Variants in NFXL1 observed in about 807,000 individuals in gnomAD.
NFXL1 encodes NF-X1-type zinc finger protein NFXL1.
NFXL1 carries 66 observed loss-of-function variants against 123.3 expected under a neutral mutation model. That is an observed-to-expected ratio of 0.54 (90% CI 0.44 to 0.66). The LOEUF (loss-of-function observed/expected upper bound fraction) is 0.66, where lower values mean the gene tolerates loss of function less well. Ranked by LOEUF, NFXL1 falls within the 30% of genes least tolerant of loss-of-function variation. The probability of loss-of-function intolerance (pLI) is 0.00; values close to 1 mark genes in which losing one functional copy is unlikely to be tolerated. For synonymous variants in NFXL1, 346 were observed against 360.8 expected, an observed-to-expected ratio of 0.96 and a Z score of 0.46; for missense variants, 944 against 1,125.6, an observed-to-expected ratio of 0.84 and a Z score of 2.31.
chr4:47,898,717 A>C, intron 8 of NFXL1, 40 bp downstream of exon 8: 63 of 1,226,858 alleles, frequency 5.1e-5, no homozygotes, highest in Non-Finnish European at 6.7e-5. Context: ...TGCTTTCTGT[A>C]CTCTTTAATA....
chr4:47,878,640 ACAG>A lies in NFXL1; in HGVS notation c.1961_1963del (p.Ala654del). The A allele has an allele frequency of 1.4e-5, 22 of 1,597,670 alleles. No homozygotes were observed. Among genetic ancestry groups the A allele is most frequent in the Non-Finnish European group, 1.9e-5 (22 of 1,172,816 alleles). ...AACTCTTTTACAAGAGTAGGGTCCT[ACAG>A]CATGGCATGGTAGTGGACTCACCTT... On this transcript the variant is annotated inframe_deletion, in exon 17 of 23. Transcript: ENST00000507489.
intron 2 of NFXL1, among the ~76,000 whole-genome samples, chr4:47,912,690 C>G (rs1215715877): frequency 6.9e-6 from 1 of 145,918 alleles, no homozygotes; most frequent in Non-Finnish European, 1.5e-5. Flanking sequence ...CATCTCCTGA[C>G]CTCATGATCT....
chr4:47,862,878 G>A lies in NFXL1; in HGVS notation c.2284C>T (p.Leu762Phe), dbSNP rs143492439. The change falls in exon 19 of 23, where the codon CTC becomes TTC. Residue 762 changes from leucine to phenylalanine, a missense_variant. Physicochemically the swap from Leu to Phe is conservative, Grantham distance 22. Around this residue, in one of 4 missense-constraint regions of NFXL1, gnomAD observed 301 missense variants for 348.0 expected, o/e 0.86. Transcript: ENST00000507489. ...GGGCACTGATTTTTGCAACAACTGA[G>A]GAGGTTCTTTTCATTTACATCAGCT... ...TTADVNEKNL[L>F]SCCKNQCPKE... is the part of the protein sequence containing the mutation. 2 of 1,583,548 alleles carry A rather than the reference G, an allele frequency of 1.3e-6. No homozygotes were observed. Among genetic ancestry groups the A allele is most frequent in the African/African-American group, 2.7e-5 (2 of 73,146 alleles).
In NFXL1 at chr4:47,847,855, GAATT is replaced by G. The variant is rs1733898852; in HGVS notation, c.*304_*307del. ...ATTATTTTTTTAAAAGTGTTGGTTTGAATTATTAAATGAAAAAACTAAGTACAAG... is the reference window on the plus strand; with the variant it reads ...ATTATTTTTTTAAAAGTGTTGGTTTGATTAAATGAAAAAACTAAGTACAAG... On this transcript the variant is annotated 3_prime_UTR_variant, in exon 23 of 23. Coordinates refer to ENST00000507489, the MANE Select transcript of NFXL1 (RefSeq NM_001278624.2). 1.6e-5 allele frequency: 3 copies of G among 193,220 alleles called. No homozygotes were observed. The highest frequency in any genetic ancestry group is 3.1e-5 in the Non-Finnish European group (3 of 95,618). 12.0% of individuals were successfully genotyped at this position (193,220 alleles called of 1,614,324 possible).
At chr4:47,877,163 G>A (rs1180505871) in intron 17 of NFXL1, 1 of 475,066 alleles carries the variant, frequency 2.1e-6, no homozygotes, top group Non-Finnish European at 4.1e-6. Context: ...CAGAATCATG[G>A]ACAAATCACA....
rs1261634091 is a variant in NFXL1, at chr4:47,862,912, T to G, written c.2250A>C (p.Lys750Asn). The G allele has an allele frequency of 6.4e-7, 1 of 1,556,554 alleles. No individual in the cohort carries two copies. The highest frequency in any genetic ancestry group is 1.4e-5 in the African/African-American group (1 of 72,014). ...TTTCATTTACATCAGCTGTGGTTAT[T>G]TTTCTAAAAATAAGAAAGTTGATGA... The part of the protein sequence containing the change: ...KITSLYVECR[K>N]ITTADVNEKN... The change falls in exon 19 of 23, where the codon AAA becomes AAC. Residue 750 changes from lysine to asparagine, a missense_variant. Coordinates refer to ENST00000507489, the MANE Select transcript of NFXL1 (RefSeq NM_001278624.2).
intron 5 of NFXL1, among the ~76,000 whole-genome samples, chr4:47,902,216 A>G (rs187804630): frequency 5.3e-5 from 8 of 152,286 alleles, no homozygotes; most frequent in Non-Finnish European, 1.2e-4. Context: ...AAAAAAATTT[A>G]AACATAAAAT....
At chr4:47,856,549 A>G (rs569492824) in intron 19 of NFXL1, among the ~76,000 whole-genome samples, 1 of 152,162 alleles carries the variant, frequency 6.6e-6, no homozygotes, top group Non-Finnish European at 1.5e-5. Flanking sequence ...ACTGATCTCT[A>G]TGATTCACCA....
intron 15 of NFXL1, chr4:47,882,433 G>A (rs1426355004): frequency 6.6e-6 from 1 of 152,154 alleles, no homozygotes; most frequent in African/African-American, 2.4e-5. Flanking sequence ...TAACAGAAAG[G>A]CAAACAGCCT....
chr4:47,852,013 A>T, intron 20 of NFXL1, 71 bp from the exon 21 acceptor site: 1 of 895,752 alleles, frequency 1.1e-6, no homozygotes, highest in Non-Finnish European at 1.9e-6. Context: ...AAAAAAGCAA[A>T]GTTCATCTGA....
In NFXL1 at chr4:47,847,674, T is replaced by C. The variant is rs1577975380; in HGVS notation, c.*489A>G. 6.6e-6 allele frequency: 1 copy of C among 152,652 alleles called. No individual in the cohort carries two copies. Among genetic ancestry groups the C allele is most frequent in the Admixed American group, 6.5e-5 (1 of 15,282 alleles). The allele number at this position is 152,652 out of a possible 1,614,324, so 9.5% of individuals were successfully genotyped here. ...TAATAAACCAATTTCTGAAATCTAA[T>C]TACATACCTTCATGTCACAATTTAA... On this transcript the variant is annotated 3_prime_UTR_variant, in exon 23 of 23. Transcript: ENST00000507489.
chr4:47,894,433 A>G, intron 10 of NFXL1, 131 bp from the exon 11 acceptor site: 1 of 526,584 alleles, frequency 1.9e-6, no homozygotes, highest in East Asian at 3.4e-5. Context: ...AAACTTTACC[A>G]AAAACCAATT....
rs565045894 is a variant in NFXL1 at position 47,848,246 on chromosome 4, G to A, written c.2653C>T (p.Gln885Ter). Residue 885 changes from glutamine (Q) to a stop codon, truncating the protein, a stop_gained, in exon 23 of 23, where the codon CAA (glutamine) becomes TAA (stop). Transcript: ENST00000507489. LOFTEE classifies it low-confidence loss of function (END_TRUNC). ...DEVAVELSLW[Q>*]KHKYYLISVC... ...GAAATGAGATAATATTTATGTTTTT[G>A]CCATAGTGATAGCTCAACTGCCACT... The A allele has an allele frequency of 6.2e-7, 1 of 1,612,502 alleles. No individual in the cohort carries two copies. The highest frequency in any genetic ancestry group is 8.5e-7 in the Non-Finnish European group (1 of 1,178,930).
At chr4:47,894,431 C>T (rs1341398301) in intron 10 of NFXL1, 129 bp from the exon 11 acceptor site, 1 of 524,104 alleles carries the variant, frequency 1.9e-6, no homozygotes, top group Non-Finnish European at 3.1e-6. Context: ...ACAAACTTTA[C>T]CAAAAACCAA....
chr4:47,850,003 T>C (rs28392911), intron 22 of NFXL1, among the ~76,000 whole-genome samples: 22,943 of 151,944 alleles, frequency 0.15, 1,957 homozygotes, highest in East Asian at 0.31. Flanking sequence ...CTGTGGTTGG[T>C]TGAATTCACA....
chr4:47,898,526 G>A (rs1413960553), intron 8 of NFXL1, among the ~76,000 whole-genome samples: 1 of 152,136 alleles, frequency 6.6e-6, no homozygotes, highest in East Asian at 1.9e-4. Context: ...TACAAATGTA[G>A]TGAATCCAAA....
intron 15 of NFXL1, among the ~76,000 whole-genome samples, chr4:47,880,829 A>C (rs1736063054): frequency 7.3e-6 from 1 of 137,436 alleles, no homozygotes; most frequent in African/African-American, 2.7e-5. Flanking sequence ...AAAAAAAAAA[A>C]ACGCAAAAAG....
At chr4:47,909,273 T>C (rs1737715836) in intron 3 of NFXL1, among the ~76,000 whole-genome samples, 1 of 152,192 alleles carries the variant, frequency 6.6e-6, no homozygotes. Flanking sequence ...CTGATTCAAG[T>C]GTCAATGTTC....
intron 22 of NFXL1, among the ~76,000 whole-genome samples, chr4:47,848,617 C>T (rs141528484): frequency 0.012 from 1,793 of 152,162 alleles, 32 homozygotes; most frequent in African/African-American, 0.04. Flanking sequence ...AGGCCGGGCA[C>T]GGTGGCTCAC....
Sources: allele counts gnomAD v4.1 joint callset (sites outside exome capture counted in the v4.1 genomes callset), GRCh38; gene constraint gnomAD v4.1.1; regional missense constraint gnomAD v4.1.1; transcripts MANE v1.5; gene names NCBI Gene and HGNC (gene_info 2026-07-23, HGNC 2026-07-21).